The following ADGRL2 variants were observed in gnomAD, a reference collection of about 807,000 sequenced individuals.
ADGRL2 encodes adhesion G protein-coupled receptor L2, also known as calcium-independent alpha-latrotoxin receptor 2.
ADGRL2 carries 44 observed loss-of-function variants against 157.4 expected under a neutral mutation model. That is an observed-to-expected ratio of 0.28 (90% confidence interval 0.22 to 0.36). The LOEUF (loss-of-function observed/expected upper bound fraction) is 0.36, where lower values mean the gene tolerates loss of function less well. ADGRL2 is among the 10% of genes least tolerant of loss of function. The pLI, the probability that ADGRL2 is intolerant of heterozygous loss-of-function variation, is 1.00. For missense variants in ADGRL2, 1,510 were observed against 1,768.9 expected, an observed-to-expected ratio of 0.85 and a Z score of 2.63; for synonymous variants, 585 against 624.7, an observed-to-expected ratio of 0.94 and a Z score of 0.95.
intron 3 of ADGRL2, among the ~76,000 whole-genome samples, chr1:81,622,292 GT>G (rs891125401): frequency 3.3e-5 from 5 of 151,758 alleles, no homozygotes; most frequent in African/African-American, 4.8e-5. Flanking sequence ...TAAAACCTAC[GT>G]TTTTTTTGGC....
At chr1:81,371,855 T>G (rs1408279733) in intron 1 of ADGRL2, among the ~76,000 whole-genome samples, 2 of 152,298 alleles carry the variant, frequency 1.3e-5, no homozygotes, top group Admixed American at 1.3e-4. Flanking sequence ...TGATAATTGC[T>G]GGGAATATTG....
At chr1:81,560,269 C>G (rs2080409396) in intron 2 of ADGRL2, among the ~76,000 whole-genome samples, 1 of 152,152 alleles carries the variant, frequency 6.6e-6, no homozygotes, top group African/African-American at 2.4e-5. Flanking sequence ...GTCCAAAATA[C>G]CTGATTTCAA....
chr1:81,973,484 A>G (rs1460019904), intron 17 of ADGRL2, among the ~76,000 whole-genome samples: 2 of 152,206 alleles, frequency 1.3e-5, no homozygotes, highest in South Asian at 2.1e-4. Context: ...TGAGGCTATC[A>G]TGTGTTTACT....
chr1:81,690,908 A>G (rs558694775), intron 3 of ADGRL2, among the ~76,000 whole-genome samples: 1 of 152,350 alleles, frequency 6.6e-6, no homozygotes, highest in South Asian at 2.1e-4. Context: ...CTGCAGTGGA[A>G]GCCTCAGCTA....
chr1:81,565,776 T>C (rs778498679), intron 2 of ADGRL2, among the ~76,000 whole-genome samples: 1 of 152,182 alleles, frequency 6.6e-6, no homozygotes, highest in Non-Finnish European at 1.5e-5. Flanking sequence ...GTGGCCCAGA[T>C]TGAAATCTCA....
rs562493288 is a variant in ADGRL2 at position 81,461,199 on chromosome 1, G to A, written c.-248+16110G>A. Among the ~76,000 whole-genome samples, 35 of 152,164 alleles carry A rather than the reference G, an allele frequency of 2.3e-4. 6 individuals carry two copies. Among genetic ancestry groups the A allele is most frequent in the Admixed American group, 1.6e-3 (24 of 15,280 alleles). Reference sequence around the variant, plus strand: ...GTTTTTAAAGGAGAAATGAAGCCCAGAAAATAGAACTAAATGTTTTTAAAG... The same window carrying A: ...GTTTTTAAAGGAGAAATGAAGCCCAAAAAATAGAACTAAATGTTTTTAAAG... On this transcript the variant is annotated intron_variant, in intron 2 of 24. Coordinates refer to the ADGRL2 transcript ENST00000370721.
intron 2 of ADGRL2, among the ~76,000 whole-genome samples, chr1:81,558,255 A>G (rs1462546088): frequency 1.3e-5 from 2 of 152,234 alleles, no homozygotes; most frequent in African/African-American, 2.4e-5. Context: ...CAGTATGGAC[A>G]TAGGTTTTTT....
chr1:81,567,987 CT>C (rs1184083925), intron 2 of ADGRL2, among the ~76,000 whole-genome samples: 1 of 151,586 alleles, frequency 6.6e-6, no homozygotes, highest in Admixed American at 6.6e-5. Flanking sequence ...TACTGTAATA[CT>C]TTTTTTTAAG....
intron 1 of ADGRL2, among the ~76,000 whole-genome samples, chr1:81,314,694 A>G (rs915413131): frequency 5.9e-5 from 9 of 152,170 alleles, no homozygotes; most frequent in Admixed American, 5.9e-4. Flanking sequence ...TTCCTCTTTA[A>G]TGAGATAAAA....
At chr1:81,615,246 G>A (rs1180631859) in intron 3 of ADGRL2, among the ~76,000 whole-genome samples, 1 of 152,074 alleles carries the variant, frequency 6.6e-6, no homozygotes, top group Admixed American at 6.6e-5. Context: ...TCTGTAAAAC[G>A]GACCAATCAG....
At chr1:81,616,537 AT>A (rs1410416846) in intron 3 of ADGRL2, among the ~76,000 whole-genome samples, 6 of 151,872 alleles carry the variant, frequency 4.0e-5, no homozygotes, top group Non-Finnish European at 1.5e-5. Context: ...GTTAAGGCCA[AT>A]TTGCCTCAAG....
At position 81,616,942 on chromosome 1, in the gene ADGRL2, T is replaced by C. The variant is rs143592972; in HGVS notation, c.-143+35962T>C. On this transcript the variant is annotated intron_variant, in intron 3 of 24. Transcript: ENST00000370721. ...ATCTGCCCACCTTGGCCTCCCAAAG[T>C]GCTGGGATTACAGGTGTGAGCCACT... 2.1e-3 allele frequency among the ~76,000 whole-genome samples: 317 copies of C among 152,302 alleles called. 16 individuals carry two copies. The East Asian group carries it at 0.049, about 23-fold the overall frequency.
intron 2 of ADGRL2, among the ~76,000 whole-genome samples, chr1:81,770,483 T>G (rs1159572950): frequency 2.0e-5 from 3 of 151,194 alleles, no homozygotes; most frequent in African/African-American, 7.3e-5. Flanking sequence ...TGTTTTTCTT[T>G]TCCTTTTAAG....
rs370383453 is a variant in ADGRL2 at position 81,970,298 on chromosome 1, T to C, written c.2734-16T>C. The C allele has an allele frequency of 6.3e-7, 1 of 1,588,806 alleles. No homozygotes were observed. Among genetic ancestry groups the C allele is most frequent in the African/African-American group, 1.3e-5 (1 of 74,288 alleles). ...CATGAGTTTTCTTTTGTGTTTTTTG[T>C]TCTTTTCCCCCGTAGATTGCATGCC... On this transcript the variant is annotated splice_polypyrimidine_tract_variant and intron_variant, in intron 15 of 23. Coordinates refer to ENST00000686636, the MANE Select transcript of ADGRL2 (RefSeq NM_001366006.2).
rs1052158551 is a variant in ADGRL2, at chr1:81,369,831, C to T, written c.-302+63322C>T. 2.6e-5 allele frequency among the ~76,000 whole-genome samples: 4 copies of T among 152,144 alleles called. No homozygotes were observed. In the South Asian group the frequency reaches 8.3e-4, roughly 32 times the overall value. On this transcript the variant is annotated intron_variant, in intron 1 of 24. Coordinates refer to the ADGRL2 transcript ENST00000370721. ...TAATCGTACAGGAAGCACTAGACTACATTTGGCATTGGAATTAGGTATTTT... is the reference window on the plus strand; with the variant it reads ...TAATCGTACAGGAAGCACTAGACTATATTTGGCATTGGAATTAGGTATTTT...
At chr1:81,616,674 CTTTTCTT>C (rs1339033054) in intron 3 of ADGRL2, among the ~76,000 whole-genome samples, 1 of 51,870 alleles carries the variant, frequency 1.9e-5, no homozygotes, top group African/African-American at 6.7e-5. Context: ...CTTTTCTTTT[CTTTTCTT>C]TTTTTTTTTT....
rs12089141 is a variant in ADGRL2 at position 81,919,395 on chromosome 1, C to A, written c.287+12165C>A. Among the ~76,000 whole-genome samples, 844 of 152,092 alleles carry A rather than the reference C, an allele frequency of 5.5e-3. 8 individuals are homozygous for A. Among genetic ancestry groups the A allele is most frequent in the African/African-American group, 0.019 (784 of 41,522 alleles). On this transcript the variant is annotated intron_variant, in intron 3 of 23. Coordinates refer to ENST00000686636, the MANE Select transcript of ADGRL2 (RefSeq NM_001366006.2). ...CACTAATATACTTTGCTTTTATACT[C>A]TCCTCCCCCTTCTTCTCCTCCTAAT...
At chr1:81,795,952 A>C (rs1326469574), upstream of ADGRL2, among the ~76,000 whole-genome samples, 1 of 152,104 alleles carries the variant, frequency 6.6e-6, no homozygotes, top group East Asian at 1.9e-4. Context: ...GTGTGCACTA[A>C]AAGGGGATCA....
Position 81,984,847 on chromosome 1 carries a change from G to C in ADGRL2, c.3411+136G>C, listed in dbSNP as rs578010413. On this transcript the variant is annotated intron_variant, in intron 20 of 23. Transcript: ENST00000686636. ...CAAATACTTGCTTTTTTAGTATTTT[G>C]GTTTCAATGTCTTCTTAAACATTTC... 41 of 953,398 alleles carry C rather than the reference G, an allele frequency of 4.3e-5. No individual in the cohort carries two copies. In the South Asian group the frequency reaches 5.8e-4, roughly 13 times the overall value. 59.1% of individuals were successfully genotyped at this position (953,398 alleles called of 1,614,324 possible). A position where few individuals can be genotyped will look rare whatever the true frequency, so the allele number is the denominator to read the frequency against.
Sources: allele counts gnomAD v4.1 joint callset (sites outside exome capture counted in the v4.1 genomes callset), GRCh38; gene constraint gnomAD v4.1.1; transcripts MANE v1.5; gene names NCBI Gene and HGNC (gene_info 2026-07-23, HGNC 2026-07-21).